The following COL4A6 variants were observed in gnomAD, a reference collection of about 807,000 sequenced individuals.
The protein encoded by COL4A6 is collagen alpha-6(IV) chain.
COL4A6 carries 59 observed loss-of-function variants against 126.7 expected under a neutral mutation model. The ratio of observed to expected loss-of-function variants is 0.47; its 90% CI spans 0.38 to 0.58. The LOEUF is 0.58. COL4A6 is among the 20% of genes least tolerant of loss of function. The pLI is 0.00. For missense variants in COL4A6, 1,285 were observed against 1,337.3 expected, an observed-to-expected ratio of 0.96 and a Z score of 0.61; for synonymous variants, 547 against 496.6, an observed-to-expected ratio of 1.10 and a Z score of -1.35.
chrX:108,173,899 C>T (rs1036321096), intron 31 of COL4A6, among the ~76,000 whole-genome samples: 5 of 112,594 alleles, frequency 4.4e-5, no homozygotes, highest in African/African-American at 9.7e-5. Context: ...CTTTGCTAGT[C>T]GTTGCACCTT....
At chrX:108,308,065 G>A (rs993384200) in intron 3 of COL4A6, among the ~76,000 whole-genome samples, 2 of 111,857 alleles carry the variant, frequency 1.8e-5, no homozygotes, top group African/African-American at 6.5e-5. Context: ...TGTGGAGTCT[G>A]TGTCTTTTAA....
At chrX:108,219,084 G>T (rs1301389347) in intron 5 of COL4A6, among the ~76,000 whole-genome samples, 1 of 112,363 alleles carries the variant, frequency 8.9e-6, no homozygotes, top group Non-Finnish European at 1.9e-5. Flanking sequence ...GAAACTAAGG[G>T]ATTAGGCTGG....
intron 16 of COL4A6, among the ~76,000 whole-genome samples, chrX:108,194,261 G>T (rs1484069211): frequency 2.2e-4 from 25 of 111,911 alleles, no homozygotes; most frequent in Non-Finnish European, 4.5e-4. Context: ...ACCAACAGTT[G>T]GCAATTCTAA....
At chrX:108,419,338 T>C (rs1032962443) in intron 2 of COL4A6, among the ~76,000 whole-genome samples, 1 of 111,984 alleles carries the variant, frequency 8.9e-6, no homozygotes, top group African/African-American at 3.2e-5. Flanking sequence ...TTGAGTCTTA[T>C]AGATAGGATT....
intron 3 of COL4A6, among the ~76,000 whole-genome samples, chrX:108,245,447 G>A (rs1282101828): frequency 9.0e-6 from 1 of 111,654 alleles, no homozygotes; most frequent in Non-Finnish European, 1.9e-5. Flanking sequence ...CTCCTCCCAC[G>A]TACTCCCCCA....
In COL4A6 at chrX:108,231,232, C is replaced by T. The variant is rs1447732277; in HGVS notation, c.145-9858G>A. Among the ~76,000 whole-genome samples, 12 of 112,068 alleles carry T rather than the reference C, an allele frequency of 1.1e-4. No homozygotes were observed. The Admixed American group carries it at 1.1e-3, about 11-fold the overall frequency. ...GAATCACATTTCTTTTCTAGTTCTT[C>T]ATCTATAATCAGCGTTTGAAGCAGC... On this transcript the variant is annotated intron_variant, in intron 3 of 44. Coordinates refer to ENST00000334504, the MANE Select transcript of COL4A6 (RefSeq NM_033641.4).
intron 3 of COL4A6, among the ~76,000 whole-genome samples, chrX:108,227,053 T>C (rs1185070420): frequency 8.9e-6 from 1 of 111,800 alleles, no homozygotes; most frequent in Non-Finnish European, 1.9e-5. Context: ...CTAACCAAGA[T>C]ATCAGCTTCT....
chrX:108,236,250 C>T (rs903191100), intron 3 of COL4A6, among the ~76,000 whole-genome samples: 8 of 111,560 alleles, frequency 7.2e-5, no homozygotes, highest in African/African-American at 2.6e-4. Context: ...CTAATCACAT[C>T]CCTTGACTTG....
rs749619355 is a variant in COL4A6 at position 108,157,029 on chromosome X, G to A, written c.5044C>T (p.Arg1682Cys). The A allele has an allele frequency of 5.2e-5, 63 of 1,209,766 alleles. No homozygotes were observed. The highest frequency in any genetic ancestry group is 6.5e-5 in the Non-Finnish European group (58 of 895,068). The change falls in exon 45 of 45, where the codon CGC becomes TGC. Residue 1682 changes from arginine (R) to cysteine (C), a missense_variant. Transcript: ENST00000334504. ...AGGCTTTTCATACACACCTGGCAGCGACTGACTCGAGTGTGGAGCTGCCCA... is the reference window on the plus strand; with the variant it reads ...AGGCTTTTCATACACACCTGGCAGCAACTGACTCGAGTGTGGAGCTGCCCA... ...KAGQLHTRVS[R>C]CQVCMKSL
intron 2 of COL4A6, among the ~76,000 whole-genome samples, chrX:108,338,012 C>CTG (rs1255951028): frequency 9.0e-6 from 1 of 110,519 alleles, no homozygotes; most frequent in African/African-American, 3.3e-5. Flanking sequence ...GTCCAATTAG[C>CTG]TGGACCAACC....
chrX:108,174,718 C>T (rs769542118), intron 30 of COL4A6, 97 bp from the exon 31 acceptor site: 3 of 748,944 alleles, frequency 4.0e-6, no homozygotes, highest in Non-Finnish European at 5.7e-6. Flanking sequence ...CAAGTGCAGG[C>T]TCAGGGAGCA....
Position 108,348,321 on chromosome X carries a change from T to C in COL4A6, c.64-37493A>G, listed in dbSNP as rs59196725. 6.2e-3 allele frequency among the ~76,000 whole-genome samples: 675 copies of C among 109,182 alleles called. 2 individuals are homozygous for C. The highest frequency in any genetic ancestry group is 0.039 in the East Asian group (128 of 3,273). 94.8% of individuals were successfully genotyped at this position (109,182 alleles called of 115,157 possible). ...GATAATAATCTGTGATAGCTTTTCATTTTGCAAATGGATTTCCTTTATTGT... is the reference window on the plus strand; with the variant it reads ...GATAATAATCTGTGATAGCTTTTCACTTTGCAAATGGATTTCCTTTATTGT... On this transcript the variant is annotated intron_variant, in intron 2 of 44. Transcript: ENST00000334504.
At chrX:108,372,057 T>A (rs2148104869) in intron 2 of COL4A6, among the ~76,000 whole-genome samples, 1 of 111,032 alleles carries the variant, frequency 9.0e-6, no homozygotes, top group Admixed American at 9.6e-5. Flanking sequence ...TAAACAAGCA[T>A]TATGAAAGCT....
Position 108,180,565 on chromosome X carries a change from C to T in COL4A6, c.2081G>A (p.Ser694Asn). The change falls in exon 25 of 45, where the codon AGT (serine) becomes AAT (asparagine). Residue 694 changes from serine to asparagine, a missense_variant. Physicochemically the swap from Ser to Asn is conservative, Grantham distance 46. Coordinates refer to ENST00000334504, the MANE Select transcript of COL4A6 (RefSeq NM_033641.4). ...TCCTGGACTCCCTGGCTCTCCTTTA[C>T]TTCCACTTGACCCAGGCTGGCCTGG... Reference protein sequence around the residue: ...GTPGQPGSSGSKGEPGSPGLV... With the variant: ...GTPGQPGSSGNKGEPGSPGLV... 1 of 1,208,783 alleles carries T rather than the reference C, an allele frequency of 8.3e-7. No homozygotes were observed. The highest frequency in any genetic ancestry group is 1.1e-6 in the Non-Finnish European group (1 of 894,645).
chrX:108,351,278 G>A (rs1172552592), intron 2 of COL4A6, among the ~76,000 whole-genome samples: 2 of 111,581 alleles, frequency 1.8e-5, no homozygotes, highest in Non-Finnish European at 3.8e-5. Context: ...TTTTCTTGGG[G>A]TTGGGGGGTG....
At chrX:108,264,404 C>T (rs1410257357) in intron 3 of COL4A6, among the ~76,000 whole-genome samples, 1 of 111,690 alleles carries the variant, frequency 9.0e-6, no homozygotes, top group Admixed American at 9.5e-5. Context: ...GTTTGTATAT[C>T]CCAATCTATT....
intron 2 of COL4A6, among the ~76,000 whole-genome samples, chrX:108,362,308 A>G (rs1185875609): frequency 2.7e-5 from 3 of 112,294 alleles, no homozygotes; most frequent in Non-Finnish European, 3.8e-5. Context: ...AAAACATTTT[A>G]AAAAAAGGAG....
chrX:108,367,448 C>T (rs1054550406), intron 2 of COL4A6, among the ~76,000 whole-genome samples: 2 of 111,475 alleles, frequency 1.8e-5, no homozygotes, highest in Non-Finnish European at 3.8e-5. Context: ...AACATACCCT[C>T]GTGTCTTAAA....
rs998927588 is a variant in COL4A6, at chrX:108,174,326, C to A, written c.3138+114G>T. ...GGAGAGAACTCTTTCTGAGGATGTC[C>A]TGGGAGAAGGGGCTGAGAAGTAAGC... On this transcript the variant is annotated intron_variant, in intron 31 of 44. Transcript: ENST00000334504. 28 of 761,360 alleles carry A rather than the reference C, an allele frequency of 3.7e-5. No individual in the cohort carries two copies. In the African/African-American group the frequency reaches 5.7e-4, roughly 15 times the overall value. 62.7% of individuals were successfully genotyped at this position (761,360 alleles called of 1,213,427 possible).
Sources: allele counts gnomAD v4.1 joint callset (sites outside exome capture counted in the v4.1 genomes callset), GRCh38; gene constraint gnomAD v4.1.1; transcripts MANE v1.5; gene names NCBI Gene and HGNC (gene_info 2026-07-23, HGNC 2026-07-21).